Variants in CADM2 observed in about 807,000 individuals in gnomAD.
CADM2 encodes immunoglobulin superfamily member 4D.
In CADM2, 12 loss-of-function variants were observed where a neutral mutation model predicts 49.8. The ratio of observed to expected loss-of-function variants is 0.24; its 90% confidence interval spans 0.15 to 0.39. The LOEUF (loss-of-function observed/expected upper bound fraction) is 0.39, where lower values mean the gene tolerates loss of function less well. CADM2 is among the 10% of genes least tolerant of loss of function. CADM2 has a pLI of 1.00. For missense variants in CADM2, 378 were observed against 492.3 expected, an observed-to-expected ratio of 0.77 and a Z score of 2.20; for synonymous variants, 214 against 175.4, an observed-to-expected ratio of 1.22 and a Z score of -1.74.
intron 1 of CADM2, among the ~76,000 whole-genome samples, chr3:85,681,449 A>T (rs2107657698): frequency 6.6e-6 from 1 of 152,286 alleles, no homozygotes; most frequent in African/African-American, 2.4e-5. Flanking sequence ...AACAAAATTT[A>T]ATGAACATAT....
intron 1 of CADM2, among the ~76,000 whole-genome samples, chr3:85,556,207 A>G (rs761364680): frequency 2.6e-5 from 4 of 152,184 alleles, no homozygotes; most frequent in Non-Finnish European, 5.9e-5. Flanking sequence ...TAGAGAAAAT[A>G]AAATATTATT....
At chr3:85,649,410 G>A (rs1379745374) in intron 1 of CADM2, among the ~76,000 whole-genome samples, 1 of 152,138 alleles carries the variant, frequency 6.6e-6, no homozygotes, top group Non-Finnish European at 1.5e-5. Context: ...ATGCATTGCT[G>A]TTGAATTTTT....
intron 3 of CADM2, among the ~76,000 whole-genome samples, chr3:85,833,510 C>A (rs761328487): frequency 3.3e-5 from 5 of 151,562 alleles, no homozygotes; most frequent in African/African-American, 4.8e-5. Context: ...ATTTCAGAAC[C>A]TGATATTGGT....
chr3:85,974,450 A>G (rs945393708), intron 8 of CADM2, among the ~76,000 whole-genome samples: 1 of 151,662 alleles, frequency 6.6e-6, no homozygotes, highest in African/African-American at 2.4e-5. Flanking sequence ...CATGTATCCT[A>G]TGAGGAACTC....
At chr3:85,400,208 A>C (rs1418687947) in intron 1 of CADM2, among the ~76,000 whole-genome samples, 1 of 152,118 alleles carries the variant, frequency 6.6e-6, no homozygotes, top group Non-Finnish European at 1.5e-5. Context: ...TGAGATAATC[A>C]TGTGGTTTTT....
intron 1 of CADM2, among the ~76,000 whole-genome samples, chr3:85,681,763 A>G (rs1047028578): frequency 1.3e-5 from 2 of 152,154 alleles, no homozygotes; most frequent in African/African-American, 4.8e-5. Context: ...AGAGAAAAAA[A>G]TTAAATAGCA....
chr3:85,501,199 A>G (rs1173139274), intron 1 of CADM2, among the ~76,000 whole-genome samples: 2 of 152,188 alleles, frequency 1.3e-5, no homozygotes, highest in African/African-American at 4.8e-5. Flanking sequence ...TAAAATAATT[A>G]AAATGTGGTG....
intron 1 of CADM2, among the ~76,000 whole-genome samples, chr3:85,468,041 C>G (rs1192339114): frequency 6.7e-6 from 1 of 149,770 alleles, no homozygotes; most frequent in African/African-American, 2.5e-5. Context: ...GTAGTCCCAG[C>G]TACTTGGGAG....
At chr3:86,006,848 C>A (rs1176295722) in intron 8 of CADM2, among the ~76,000 whole-genome samples, 1 of 151,918 alleles carries the variant, frequency 6.6e-6, no homozygotes, top group East Asian at 1.9e-4. Context: ...CGAGACAAGC[C>A]TGGCCAACAT....
intron 1 of CADM2, among the ~76,000 whole-genome samples, chr3:85,476,965 C>G (rs1031864873): frequency 4.5e-5 from 4 of 89,116 alleles, no homozygotes; most frequent in African/African-American, 1.2e-4. Flanking sequence ...GTCTGACATA[C>G]AATCATCTCT....
chr3:85,220,887 C>T (rs894000251), intron 1 of CADM2, among the ~76,000 whole-genome samples: 3 of 151,986 alleles, frequency 2.0e-5, no homozygotes, highest in Non-Finnish European at 2.9e-5. Flanking sequence ...TAAGGCAAAA[C>T]AAAGAACTAA....
At chr3:85,354,498 T>TATA (rs913910602) in intron 1 of CADM2, among the ~76,000 whole-genome samples, 39 of 150,938 alleles carry the variant, frequency 2.6e-4, no homozygotes, top group East Asian at 5.9e-4. Context: ...AAACTTAAAG[T>TATA]ATAATAATAA....
At chr3:85,860,686 T>C (rs1577497514) in intron 3 of CADM2, among the ~76,000 whole-genome samples, 2 of 152,138 alleles carry the variant, frequency 1.3e-5, no homozygotes, top group Non-Finnish European at 2.9e-5. Context: ...TCACGAAAGC[T>C]CTGATCTTAT....
intron 1 of CADM2, among the ~76,000 whole-genome samples, chr3:85,608,095 A>G (rs2063581941): frequency 6.6e-6 from 1 of 152,166 alleles, no homozygotes; most frequent in African/African-American, 2.4e-5. Context: ...TAAACTGACT[A>G]ATTTGTCAAT....
At chr3:85,441,471 C>A (rs1020970801) in intron 1 of CADM2, among the ~76,000 whole-genome samples, 1 of 152,026 alleles carries the variant, frequency 6.6e-6, no homozygotes, top group African/African-American at 2.4e-5. Context: ...TTTTATATTA[C>A]AGAGAGTCAT....
chr3:85,172,421 CA>C (rs1456860604), intron 1 of CADM2, among the ~76,000 whole-genome samples: 1 of 152,080 alleles, frequency 6.6e-6, no homozygotes, highest in Non-Finnish European at 1.5e-5. Context: ...TGCTTAGTGG[CA>C]AAAGCATTAT....
intron 1 of CADM2, among the ~76,000 whole-genome samples, chr3:85,547,157 A>G (rs2061686673): frequency 6.6e-6 from 1 of 152,132 alleles, no homozygotes; most frequent in Non-Finnish European, 1.5e-5. Flanking sequence ...GTATTGATGC[A>G]AAATTTCATT....
intron 1 of CADM2, among the ~76,000 whole-genome samples, chr3:85,609,258 A>C (rs1319341909): frequency 6.6e-6 from 1 of 152,130 alleles, no homozygotes; most frequent in Admixed American, 6.6e-5. Flanking sequence ...GGGGCATGAC[A>C]TGCACCTGTC....
chr3:85,143,968 C>T (rs2039653854), intron 1 of CADM2, among the ~76,000 whole-genome samples: 1 of 152,154 alleles, frequency 6.6e-6, no homozygotes, highest in Admixed American at 6.5e-5. Flanking sequence ...TATACTCCTA[C>T]CAGCTCTCTG....
Sources: gnomAD v4.1 joint callset for allele counts (sites outside exome capture counted in the v4.1 genomes callset) on GRCh38, gnomAD v4.1.1 for gene constraint, MANE v1.5 for transcripts, NCBI Gene and HGNC (gene_info 2026-07-23, HGNC 2026-07-21) for gene names.